Variants in TECR observed in about 807,000 individuals in gnomAD.
TECR encodes the protein trans-2,3-enoyl-CoA reductase.
Under a neutral mutation model 50.6 loss-of-function variants are expected in TECR, and 19 were observed. The ratio of observed to expected loss-of-function variants is 0.38; its 90% CI spans 0.26 to 0.55. TECR has a LOEUF of 0.55. Ranked by LOEUF, TECR falls within the 20% of genes least tolerant of loss-of-function variation. The probability of loss-of-function intolerance (pLI) is 0.79; values close to 1 mark genes in which losing one functional copy is unlikely to be tolerated. For missense variants in TECR, 313 were observed against 408.3 expected (o/e 0.77, Z 2.01); for synonymous variants, 168 against 163.5 (o/e 1.03, Z -0.21).
At position 14,529,693 on chromosome 19, in the gene TECR, A is replaced by G; in HGVS notation, c.-4A>G. The G allele has an allele frequency of 1.2e-6, 2 of 1,614,046 alleles. No homozygotes were observed. The highest frequency in any genetic ancestry group is 4.5e-5 in the East Asian group (2 of 44,878). On this transcript the variant is annotated 5_prime_UTR_variant, in exon 1 of 13. Transcript: ENST00000215567. ...CGGAGCAGTAGCCGCCGTGGGAGGG[A>G]GCCATGAAGCATTACGAGGTAAGAA...
chr19:14,561,029 C>T (rs1193178803), intron 1 of TECR, among the ~76,000 whole-genome samples: 1 of 152,130 alleles, frequency 6.6e-6, no homozygotes, highest in Non-Finnish European at 1.5e-5. Flanking sequence ...CAAGGCAGGG[C>T]TGGTTACGGT....
chr19:14,564,376 C>T, intron 7 of TECR, 89 bp downstream of exon 7: 2 of 1,062,182 alleles, frequency 1.9e-6, no homozygotes, highest in Non-Finnish European at 2.8e-6. Flanking sequence ...AAGGCCCTTC[C>T]TGTCTGCCAC....
chr19:14,549,037 A>G (rs1405203436), intron 1 of TECR, among the ~76,000 whole-genome samples: 4 of 152,056 alleles, frequency 2.6e-5, no homozygotes, highest in African/African-American at 9.7e-5. Context: ...CCATCCGCTT[A>G]AAAAGGTAAA....
At position 14,535,541 on chromosome 19, in the gene TECR, A is replaced by T. The variant is rs866759174; in HGVS notation, c.15+5830A>T. 4.7e-3 allele frequency among the ~76,000 whole-genome samples: 130 copies of T among 27,424 alleles called. 2 individuals are homozygous for T. The highest frequency in any genetic ancestry group is 0.022 in the African/African-American group (116 of 5,242). 18.0% of individuals were successfully genotyped at this position (27,424 alleles called of 152,430 possible). A position where few individuals can be genotyped will look rare whatever the true frequency, so the allele number is the denominator to read the frequency against. On this transcript the variant is annotated intron_variant, in intron 1 of 12. Transcript: ENST00000215567. ...AAAAAAAAAAAAAAAAAAAAAAAAA[A>T]AAATATATATATATATATATATATA...
rs754345049 is a variant in TECR at position 14,565,781 on chromosome 19, C to T, written c.837C>T (p.Thr279=). ...CCCTGGTGGGCTTCACCCAGATGAC[C>T]ATCTGGGCCAAGGGCAAGCACCGCA... is the stretch of plus-strand genomic sequence containing the variant. ...LFSLVGFTQM[T]IWAKGKHRSY... The change falls in exon 13 of 13, where the codon ACC becomes ACT. Residue 279 remains threonine (T), a synonymous_variant. Coordinates refer to ENST00000215567, the MANE Select transcript of TECR (RefSeq NM_138501.6). 18 of 1,610,054 alleles carry T rather than the reference C, an allele frequency of 1.1e-5. No individual in the cohort carries two copies. The highest frequency in any genetic ancestry group is 1.7e-4 in the Middle Eastern group (1 of 6,050).
At chr19:14,562,596 G>A (rs1778461966) in intron 2 of TECR, 21 bp downstream of exon 2, 2 of 1,614,008 alleles carry the variant, frequency 1.2e-6, no homozygotes, top group African/African-American at 1.3e-5. Context: ...GGCGTGGGCT[G>A]CACTGGGCCA....
chr19:14,560,153 C>T (rs1448017927), intron 1 of TECR, among the ~76,000 whole-genome samples: 1 of 152,240 alleles, frequency 6.6e-6, no homozygotes, highest in Non-Finnish European at 1.5e-5. Flanking sequence ...CGTCCTCTCC[C>T]AGCAGCTAGC....
chr19:14,551,581 GGCCCAT>G, intron 1 of TECR, among the ~76,000 whole-genome samples: 1 of 152,124 alleles, frequency 6.6e-6, no homozygotes, highest in South Asian at 2.1e-4. Flanking sequence ...TGCTTTTCTA[GGCCCAT>G]TGGCTGTCTT....
chr19:14,561,479 C>T (rs1304033892), intron 1 of TECR, among the ~76,000 whole-genome samples: 1 of 152,160 alleles, frequency 6.6e-6, no homozygotes, highest in Non-Finnish European at 1.5e-5. Flanking sequence ...GGCCTGGGGG[C>T]TCAGGGAGGG....
intron 1 of TECR, among the ~76,000 whole-genome samples, chr19:14,561,086 G>C (rs2073887633): frequency 6.6e-6 from 1 of 152,120 alleles, no homozygotes; most frequent in African/African-American, 2.4e-5. Flanking sequence ...CTGTCGTTGG[G>C]AATGTGCAGG....
At chr19:14,537,891 G>A (rs550777194) in intron 1 of TECR, among the ~76,000 whole-genome samples, 2 of 151,896 alleles carry the variant, frequency 1.3e-5, no homozygotes, top group South Asian at 4.2e-4. Flanking sequence ...GATTACAGGT[G>A]CCCACCACCA....
chr19:14,547,669 T>C (rs2073351196), intron 1 of TECR, among the ~76,000 whole-genome samples: 1 of 151,334 alleles, frequency 6.6e-6, no homozygotes, highest in South Asian at 2.1e-4. Context: ...ATATTTTTTT[T>C]TTTTTTTGAG....
chr19:14,550,019 T>A (rs1302437638), intron 1 of TECR, among the ~76,000 whole-genome samples: 1 of 152,066 alleles, frequency 6.6e-6, no homozygotes. Context: ...CCTTTCTTTC[T>A]TCTTTCCATG....
chr19:14,565,495 G>A (rs898571630), intron 11 of TECR, 123 bp from the exon 12 acceptor site: 26 of 1,471,328 alleles, frequency 1.8e-5, no homozygotes, highest in Middle Eastern at 2.0e-4. Flanking sequence ...CGCCTCCGCT[G>A]GAATTGGGTT....
At chr19:14,561,722 C>T (rs1289847414) in intron 1 of TECR, among the ~76,000 whole-genome samples, 1 of 152,190 alleles carries the variant, frequency 6.6e-6, no homozygotes, top group East Asian at 1.9e-4. Flanking sequence ...CACCCCGATC[C>T]TTTCCACACT....
intron 1 of TECR, among the ~76,000 whole-genome samples, chr19:14,558,225 T>G (rs2146619910): frequency 6.6e-6 from 1 of 152,264 alleles, no homozygotes; most frequent in South Asian, 2.1e-4. Context: ...TTCTCTGGGT[T>G]GTTCACCCAC....
rs773097860 is a variant in TECR, at chr19:14,565,638, C to T, written c.774C>T (p.Phe258=). Residue 258 remains phenylalanine, a synonymous_variant, in exon 12 of 13, where the codon TTC becomes TTT. Coordinates refer to ENST00000215567, the MANE Select transcript of TECR (RefSeq NM_138501.6). ...CACAGGTGGGGTCCTGGATCGGTTT[C>T]GCCATCATGACGCAGTGTCTCCCAG... ...YTYEVGSWIG[F]AIMTQCLPVA... 2.5e-4 allele frequency: 396 copies of T among 1,612,246 alleles called. No individual in the cohort carries two copies. The East Asian group carries it at 8.6e-3, about 35-fold the overall frequency.
chr19:14,551,967 C>CTCTCTCTT (rs1350649010), intron 1 of TECR, among the ~76,000 whole-genome samples: 6 of 117,942 alleles, frequency 5.1e-5, no homozygotes, highest in Non-Finnish European at 7.0e-5. Context: ...CTCTCTCTCT[C>CTCTCTCTT]TCTCTTTCTC....
chr19:14,565,264 G>C lies in TECR; in HGVS notation c.727G>C (p.Val243Leu), dbSNP rs1310046574. 6.2e-7 allele frequency: 1 copy of C among 1,613,736 alleles called. No homozygotes were observed. The highest frequency in any genetic ancestry group is 8.5e-7 in the Non-Finnish European group (1 of 1,179,984). Residue 243 changes from valine (V) to leucine (L), a missense_variant, in exon 11 of 13, where the codon GTG becomes CTG. By Grantham distance (32) the Val-to-Leu change is conservative. Coordinates refer to ENST00000215567, the MANE Select transcript of TECR (RefSeq NM_138501.6). ...CCCCTTCACGTGGCTCTTCCTGCTG[G>C]TGTCCTGCCCCAACTACACCTACGA... is the stretch of plus-strand genomic sequence containing the variant. Reference protein sequence around the residue: ...KNPFTWLFLLVSCPNYTYEVG... With the variant: ...KNPFTWLFLLLSCPNYTYEVG...
Sources: allele counts gnomAD v4.1 joint callset (sites outside exome capture counted in the v4.1 genomes callset), GRCh38; gene constraint gnomAD v4.1.1; transcripts MANE v1.5; gene names NCBI Gene and HGNC (gene_info 2026-07-23, HGNC 2026-07-21).